The following AAMDC variants were observed in gnomAD, a reference collection of about 807,000 sequenced individuals.
AAMDC encodes adipogenesis associated Mth938 domain containing, also known as mth938 domain-containing protein.
In AAMDC, 16 loss-of-function variants were observed where a neutral mutation model predicts 15.5. The ratio of observed to expected loss-of-function variants is 1.03; its 90% confidence interval spans 0.70 to 1.57. The LOEUF is 1.57. Ranked by LOEUF, AAMDC falls within the 40% of genes most tolerant of loss-of-function variation. The pLI is 0.00. For synonymous variants in AAMDC, 51 were observed against 51.6 expected (o/e 0.99, Z 0.05); for missense variants, 141 against 144.9 (o/e 0.97, Z 0.14).
chr11:77,848,114 A>C (rs1297682760), intron 2 of AAMDC, among the ~76,000 whole-genome samples: 2 of 152,210 alleles, frequency 1.3e-5, no homozygotes, highest in Admixed American at 6.5e-5. Context: ...AAACCCAGAA[A>C]TAATATTTAA....
Position 77,842,635 on chromosome 11 carries a change from T to C in AAMDC, c.132+7T>C. On this transcript the variant is annotated splice_region_variant and intron_variant, in intron 2 of 3. Coordinates refer to ENST00000393427, the MANE Select transcript of AAMDC (RefSeq NM_024684.4). ...GAGAGAAACAGGAACTGAGGTAAGATATTAGTCTTTGGTTGATACTACATG... is the reference window on the plus strand; with the variant it reads ...GAGAGAAACAGGAACTGAGGTAAGACATTAGTCTTTGGTTGATACTACATG... 2.5e-6 allele frequency: 4 copies of C among 1,613,532 alleles called. No homozygotes were observed. The highest frequency in any genetic ancestry group is 1.7e-6 in the Non-Finnish European group (2 of 1,179,842).
chr11:77,826,790 A>G (rs895770337), intron 1 of AAMDC, among the ~76,000 whole-genome samples: 5 of 152,202 alleles, frequency 3.3e-5, no homozygotes, highest in Non-Finnish European at 7.4e-5. Context: ...GAAAATCTGA[A>G]TGAACCCATA....
chr11:77,849,645 GTTT>G (rs568550138), intron 2 of AAMDC, among the ~76,000 whole-genome samples: 1 of 150,818 alleles, frequency 6.6e-6, no homozygotes, highest in African/African-American at 2.4e-5. Flanking sequence ...TTTTTTGTGT[GTTT>G]TTTTTTAATT....
In AAMDC at chr11:77,894,320, T is replaced by C. The variant is rs752802652; in HGVS notation, c.329-6251T>C. On this transcript the variant is annotated intron_variant, in intron 5 of 5. Coordinates refer to the AAMDC transcript ENST00000304716. ...AAAAAAGTCTACTTCCTGTAAAAAT[T>C]TTTCACACATCCCAAATAAGGGGTC... 5.1e-6 allele frequency: 8 copies of C among 1,564,728 alleles called. No individual in the cohort carries two copies. In the Admixed American group the frequency reaches 1.4e-4, roughly 28 times the overall value.
intron 1 of AAMDC, among the ~76,000 whole-genome samples, chr11:77,832,943 A>G (rs1353388989): frequency 3.4e-5 from 3 of 88,552 alleles, no homozygotes; most frequent in East Asian, 2.7e-4. Flanking sequence ...ACTTTATTGT[A>G]TATATATATG....
At chr11:77,898,568 G>A (rs533166605) in intron 5 of AAMDC, among the ~76,000 whole-genome samples, 5 of 152,278 alleles carry the variant, frequency 3.3e-5, no homozygotes, top group African/African-American at 1.2e-4. Flanking sequence ...ATCTTAGAGA[G>A]GTGACCATAA....
intron 5 of AAMDC, among the ~76,000 whole-genome samples, chr11:77,886,505 A>G (rs1418369850): frequency 5.3e-5 from 8 of 152,246 alleles, no homozygotes; most frequent in African/African-American, 1.7e-4. Context: ...AAGAAATTCA[A>G]TGAAGCACGG....
At position 77,900,385 on chromosome 11, in the gene AAMDC, C is replaced by A. The variant is rs577730540; in HGVS notation, c.329-186C>A. On this transcript the variant is annotated intron_variant, in intron 5 of 5. Transcript: ENST00000304716. ...AAGTGCTGGGATTACAGGTGTGAGC[C>A]ACCACACCCGGCCACATATGAATAT... Among the ~76,000 whole-genome samples, 463 of 152,272 alleles carry A rather than the reference C, an allele frequency of 3.0e-3. 3 individuals are homozygous for A. The highest frequency in any genetic ancestry group is 0.014 in the Middle Eastern group (4 of 294).
downstream of AAMDC, chr11:77,876,926 A>AC: frequency 1.4e-6 from 1 of 702,872 alleles, no homozygotes; most frequent in South Asian, 1.5e-5. Context: ...GGCAGCAGCC[A>AC]TGGTTCTTCA....
downstream of AAMDC, among the ~76,000 whole-genome samples, chr11:77,872,524 T>C (rs763251965): frequency 1.2e-4 from 19 of 152,078 alleles, no homozygotes; most frequent in Non-Finnish European, 2.5e-4. Flanking sequence ...TTTAATAATA[T>C]AGTGAATGAA....
intron 1 of AAMDC, among the ~76,000 whole-genome samples, chr11:77,836,562 G>A (rs1565199015): frequency 6.6e-6 from 1 of 152,228 alleles, no homozygotes; most frequent in African/African-American, 2.4e-5. Flanking sequence ...CACGCAGTCT[G>A]TGGTATTTTG....
intron 1 of AAMDC, among the ~76,000 whole-genome samples, chr11:77,839,555 A>G (rs571243445): frequency 4.3e-4 from 65 of 152,334 alleles, no homozygotes; most frequent in Non-Finnish European, 8.7e-4. Context: ...AATAGCGAAG[A>G]CATGGAATCA....
chr11:77,825,172 C>T (rs1011986409), intron 1 of AAMDC, among the ~76,000 whole-genome samples: 2 of 151,848 alleles, frequency 1.3e-5, no homozygotes, highest in Admixed American at 6.6e-5. Context: ...TTGGTAGAGA[C>T]GGGGTTTCAC....
At chr11:77,828,280 A>T (rs1448325379) in intron 1 of AAMDC, among the ~76,000 whole-genome samples, 1 of 152,068 alleles carries the variant, frequency 6.6e-6, no homozygotes, top group Non-Finnish European at 1.5e-5. Flanking sequence ...GTCTCAAAAA[A>T]ACAAAATACA....
chr11:77,852,240 AAG>A (rs1555010821), intron 2 of AAMDC, among the ~76,000 whole-genome samples: 15 of 125,012 alleles, frequency 1.2e-4, no homozygotes, highest in Non-Finnish European at 2.1e-4. Flanking sequence ...AAAAAAAAAA[AAG>A]AAGAAGAAGA....
chr11:77,902,778 G>C (rs1381743314), downstream of AAMDC, among the ~76,000 whole-genome samples: 2 of 152,148 alleles, frequency 1.3e-5, no homozygotes, highest in Non-Finnish European at 2.9e-5. Context: ...TCAATACTCA[G>C]GTGCAAAGGG....
At position 77,842,527 on chromosome 11, in the gene AAMDC, T is replaced by G. The variant is rs779096809; in HGVS notation, c.31T>G (p.Trp11Gly). 6.2e-7 allele frequency: 1 copy of G among 1,613,960 alleles called. No homozygotes were observed. Among genetic ancestry groups the G allele is most frequent in the Non-Finnish European group, 8.5e-7 (1 of 1,179,988 alleles). The change falls in exon 2 of 4, where the codon TGG becomes GGG. Residue 11 changes from tryptophan to glycine, a missense_variant. Coordinates refer to ENST00000393427, the MANE Select transcript of AAMDC (RefSeq NM_024684.4). The part of the protein sequence containing the change: MTSPEIASLS[W>G]GQMKVKGSNT... ...TTCCCCTGAAATTGCTTCCTTATCA[T>G]GGGGGCAAATGAAAGTAAAAGGCTC...
chr11:77,897,842 T>G (rs1420700512), intron 5 of AAMDC, among the ~76,000 whole-genome samples: 2 of 152,014 alleles, frequency 1.3e-5, no homozygotes, highest in Non-Finnish European at 2.9e-5. Flanking sequence ...AGGGTCTTGT[T>G]CTGTTGCCCA....
chr11:77,837,787 T>C (rs1182772963), intron 1 of AAMDC, among the ~76,000 whole-genome samples: 1 of 152,086 alleles, frequency 6.6e-6, no homozygotes, highest in African/African-American at 2.4e-5. Flanking sequence ...CTGGGCACAG[T>C]GGCTCATGCC....
Sources: gnomAD v4.1 joint callset for allele counts (sites outside exome capture counted in the v4.1 genomes callset) on GRCh38, gnomAD v4.1.1 for gene constraint, MANE v1.5 for transcripts, NCBI Gene and HGNC (gene_info 2026-07-23, HGNC 2026-07-21) for gene names.